UTRN: variants seen among roughly 807,000 people sequenced by gnomAD.
UTRN encodes dystrophin-related protein 1.
A neutral mutation model predicts 463.9 loss-of-function variants in UTRN; 283 were observed. The ratio of observed to expected loss-of-function variants is 0.61; its 90% confidence interval spans 0.55 to 0.67. UTRN has a LOEUF of 0.67. Among genes scored for constraint, UTRN ranks in the 30% least tolerant of loss-of-function variants. The pLI is 0.00. For synonymous variants in UTRN, 1,442 were observed against 1,431.5 expected, an observed-to-expected ratio of 1.01 and a Z score of -0.17; for missense variants, 3,922 against 4,084.3, an observed-to-expected ratio of 0.96 and a Z score of 1.08.
Position 144,631,237 on chromosome 6 carries a change from G to GTGT in UTRN, c.7480-47169_7480-47168insTGT, listed in dbSNP as rs111543509. Among the ~76,000 whole-genome samples the GTGT allele has an allele frequency of 3.6e-3, 526 of 147,526 alleles. 1 individual carries two copies. The highest frequency in any genetic ancestry group is 0.012 in the African/African-American group (480 of 39,882). ...TGAGTGTGTGTGTGTGAGAGAGAGA[G>GTGT]GTGTGTGTGTGTGTGTGTGTGTGTG... is the stretch of plus-strand genomic sequence containing the variant. On this transcript the variant is annotated intron_variant, in intron 51 of 74. Transcript: ENST00000367545.
At chr6:144,328,847 G>C (rs1220266987) in intron 2 of UTRN, among the ~76,000 whole-genome samples, 3 of 151,934 alleles carry the variant, frequency 2.0e-5, no homozygotes, top group African/African-American at 7.3e-5. Flanking sequence ...GCAGTGGTGC[G>C]ATCTTGGCTC....
intron 51 of UTRN, among the ~76,000 whole-genome samples, chr6:144,635,141 T>G (rs866184095): frequency 1.3e-3 from 158 of 120,462 alleles, no homozygotes; most frequent in African/African-American, 5.9e-3. Flanking sequence ...TTTGTGTGTT[T>G]TTTTTTTTTT....
In UTRN at chr6:144,851,211, C is replaced by T. The variant is rs772213454; in HGVS notation, c.*214C>T. The T allele has an allele frequency of 1.5e-5, 9 of 602,638 alleles. No homozygotes were observed. The highest frequency in any genetic ancestry group is 2.3e-5 in the Non-Finnish European group (8 of 343,570). The allele number at this position is 602,638 out of a possible 1,614,324, so 37.3% of individuals were successfully genotyped here. On this transcript the variant is annotated 3_prime_UTR_variant, in exon 75 of 75. Coordinates refer to ENST00000367545, the MANE Select transcript of UTRN (RefSeq NM_007124.3). The stretch of plus-strand genomic sequence containing the variant: ...AATAACCATATATTATTGTTTTCTT[C>T]TTCCCTTTCTATGCAAGTGTAAATT...
intron 2 of UTRN, among the ~76,000 whole-genome samples, chr6:144,386,489 A>G (rs751766797): frequency 1.4e-4 from 21 of 152,220 alleles, no homozygotes; most frequent in Non-Finnish European, 2.4e-4. Flanking sequence ...TTAGTAGTTT[A>G]TGTGAACCTT....
intron 23 of UTRN, among the ~76,000 whole-genome samples, chr6:144,463,678 G>A (rs149220890): frequency 5.4e-5 from 8 of 149,010 alleles, no homozygotes; most frequent in East Asian, 3.9e-4. Flanking sequence ...CTTATTCACC[G>A]ATGTATGCCA....
chr6:144,393,358 A>G (rs375631099), intron 2 of UTRN, among the ~76,000 whole-genome samples: 32 of 152,380 alleles, frequency 2.1e-4, no homozygotes, highest in African/African-American at 6.5e-4. Flanking sequence ...GTGCATGGAA[A>G]TTCTTTTGGA....
chr6:144,429,589 G>T lies in UTRN; in HGVS notation c.703G>T (p.Val235Phe). ...TATTCTTCCACTTTTAGATGTTGCCGTTCAGCTTCCTGACAAGAAATCCAT... is the reference window on the plus strand; with the variant it reads ...TATTCTTCCACTTTTAGATGTTGCCTTTCAGCTTCCTGACAAGAAATCCAT... ...EKLLDPEDVAVQLPDKKSIIM... is the reference protein window; with the variant it reads ...EKLLDPEDVAFQLPDKKSIIM... Residue 235 changes from valine to phenylalanine, a missense_variant, in exon 9 of 75, where the codon GTT becomes TTT. By Grantham distance (50) the Val-to-Phe change is conservative. Transcript: ENST00000367545. 1 of 1,598,164 alleles carries T rather than the reference G, an allele frequency of 6.3e-7. No individual in the cohort carries two copies. Among genetic ancestry groups the T allele is most frequent in the Non-Finnish European group, 8.5e-7 (1 of 1,172,668 alleles).
intron 51 of UTRN, among the ~76,000 whole-genome samples, chr6:144,645,142 C>T (rs1778161486): frequency 6.6e-6 from 1 of 152,118 alleles, no homozygotes; most frequent in Non-Finnish European, 1.5e-5. Flanking sequence ...GAGTTGGTCC[C>T]TCTATTGTTT....
intron 34 of UTRN, among the ~76,000 whole-genome samples, chr6:144,501,473 T>C (rs1233208393): frequency 6.6e-6 from 1 of 152,200 alleles, no homozygotes; most frequent in African/African-American, 2.4e-5. Context: ...CACATTTCGA[T>C]GTGCACATGC....
intron 51 of UTRN, among the ~76,000 whole-genome samples, chr6:144,662,449 G>A (rs990057042): frequency 3.3e-5 from 5 of 152,278 alleles, no homozygotes; most frequent in East Asian, 3.9e-4. Flanking sequence ...CATTCTACAC[G>A]CAGAGGTAGA....
chr6:144,820,645 C>G (rs2128753131), intron 65 of UTRN, among the ~76,000 whole-genome samples: 1 of 152,178 alleles, frequency 6.6e-6, no homozygotes, highest in African/African-American at 2.4e-5. Context: ...GGGAAATGAA[C>G]TAGGTATGGT....
intron 51 of UTRN, among the ~76,000 whole-genome samples, chr6:144,674,170 T>C (rs1781350633): frequency 6.6e-6 from 1 of 152,156 alleles, no homozygotes; most frequent in Non-Finnish European, 1.5e-5. Context: ...TTTCAGCTTC[T>C]TGTATTTGGA....
intron 9 of UTRN, among the ~76,000 whole-genome samples, chr6:144,432,035 G>A (rs1015451248): frequency 6.6e-6 from 1 of 152,086 alleles, no homozygotes; most frequent in African/African-American, 2.4e-5. Flanking sequence ...TGCACAACAT[G>A]AAGGTTTGTT....
intron 29 of UTRN, 108 bp downstream of exon 29, chr6:144,487,805 T>G (rs1792619978): frequency 2.6e-6 from 3 of 1,141,638 alleles, no homozygotes; most frequent in Non-Finnish European, 3.6e-6. Context: ...TAATGTTGGT[T>G]AAAGTTGGTA....
chr6:144,695,377 T>A (rs1049868565), intron 52 of UTRN, among the ~76,000 whole-genome samples: 5 of 151,692 alleles, frequency 3.3e-5, no homozygotes, highest in Admixed American at 2.0e-4. Flanking sequence ...AGAGTCTCAC[T>A]GTGTTGCCAG....
chr6:144,703,705 G>A (rs755874362), intron 53 of UTRN, among the ~76,000 whole-genome samples: 13 of 152,124 alleles, frequency 8.5e-5, no homozygotes, highest in Non-Finnish European at 1.8e-4. Flanking sequence ...TAATCATCTC[G>A]AGACCATCTT....
chr6:144,464,691 G>A (rs187303556), intron 23 of UTRN, among the ~76,000 whole-genome samples: 2 of 152,082 alleles, frequency 1.3e-5, no homozygotes, highest in East Asian at 3.9e-4. Context: ...GTAGAGATGA[G>A]GTTTTACCAT....
intron 53 of UTRN, chr6:144,706,597 T>A (rs933498177): frequency 2.6e-5 from 4 of 152,184 alleles, no homozygotes; most frequent in African/African-American, 9.7e-5. Flanking sequence ...GATTACGTAT[T>A]CTCATTATAA....
At chr6:144,516,619 ACT>A (rs1182189331) in intron 38 of UTRN, among the ~76,000 whole-genome samples, 190 bp from the exon 39 acceptor site, 1 of 151,556 alleles carries the variant, frequency 6.6e-6, no homozygotes, top group Non-Finnish European at 1.5e-5. Context: ...TGTTTGCTAA[ACT>A]CTCTTTGAGA....
Sources: allele counts gnomAD v4.1 joint callset (sites outside exome capture counted in the v4.1 genomes callset), GRCh38; gene constraint gnomAD v4.1.1; transcripts MANE v1.5; gene names NCBI Gene and HGNC (gene_info 2026-07-23, HGNC 2026-07-21).